Variants in MUC7 observed in about 807,000 individuals in gnomAD.
The protein encoded by MUC7 is mucin 7, secreted.
A neutral mutation model predicts 2.5 loss-of-function variants in MUC7; 2 were observed. The ratio of observed to expected loss-of-function variants is 0.81; its 90% CI spans 0.33 to 2.55. The LOEUF is 2.55. Among genes scored for constraint, MUC7 ranks in the 30% most tolerant of loss-of-function variants. MUC7 has a pLI of 0.11. For missense variants in MUC7, 408 were observed against 455.6 expected (o/e 0.90, Z 0.95); for synonymous variants, 133 against 173.4 (o/e 0.77, Z 1.83).
At chr4:70,471,768 AT>A (rs1007281147), upstream of MUC7, among the ~76,000 whole-genome samples, 28 of 152,100 alleles carry the variant, frequency 1.8e-4, no homozygotes, top group Non-Finnish European at 3.8e-4. Flanking sequence ...GCACCACAGT[AT>A]TTTTTTTAAA....
chr4:70,458,434 G>A (rs565218100), intron 1 of MUC7, among the ~76,000 whole-genome samples: 2 of 152,122 alleles, frequency 1.3e-5, no homozygotes, highest in South Asian at 4.2e-4. Context: ...CACTTATTAT[G>A]CTTTGTATAT....
intron 1 of MUC7, among the ~76,000 whole-genome samples, chr4:70,432,058 G>C (rs1168248008): frequency 6.6e-6 from 1 of 152,076 alleles, no homozygotes; most frequent in East Asian, 1.9e-4. Context: ...TCATCCATGT[G>C]CCTACAAAAG....
At chr4:70,440,652 C>T (rs1282680316) in intron 1 of MUC7, among the ~76,000 whole-genome samples, 3 of 152,224 alleles carry the variant, frequency 2.0e-5, no homozygotes, top group South Asian at 2.1e-4. Flanking sequence ...ATCCCAATTA[C>T]ACTAATTTGA....
At chr4:70,436,975 G>C (rs1733857898) in intron 1 of MUC7, among the ~76,000 whole-genome samples, 1 of 152,142 alleles carries the variant, frequency 6.6e-6, no homozygotes, top group South Asian at 2.1e-4. Context: ...CAGGTCTGTT[G>C]GAGTTTGCTG....
At position 70,463,059 on chromosome 4, in the gene MUC7, T is replaced by C. The variant is rs534989653; in HGVS notation, c.-92-9156T>C. On this transcript the variant is annotated intron_variant, in intron 1 of 3. Coordinates refer to the MUC7 transcript ENST00000413702. ...CTTTTGCAGGTCAATCTTCTGTTGG[T>C]CCTATGGTCAAATTCTTCTACTCTT... Among the ~76,000 whole-genome samples, 3 of 152,274 alleles carry C rather than the reference T, an allele frequency of 2.0e-5. No homozygotes were observed. The East Asian group carries it at 5.8e-4, about 29-fold the overall frequency.
intron 1 of MUC7, among the ~76,000 whole-genome samples, chr4:70,459,295 T>G (rs763525853): frequency 1.3e-5 from 2 of 151,992 alleles, no homozygotes; most frequent in African/African-American, 4.8e-5. Flanking sequence ...ATGGATGAAA[T>G]TGGAAAACAT....
chr4:70,431,060 G>T (rs1039850489), intron 1 of MUC7, among the ~76,000 whole-genome samples: 2 of 151,858 alleles, frequency 1.3e-5, no homozygotes, highest in African/African-American at 4.8e-5. Flanking sequence ...CTACTTTTCA[G>T]TATGTAATGG....
At chr4:70,451,883 T>C (rs1734289772) in intron 1 of MUC7, among the ~76,000 whole-genome samples, 1 of 152,236 alleles carries the variant, frequency 6.6e-6, no homozygotes, top group Non-Finnish European at 1.5e-5. Context: ...GCTATTATTG[T>C]ATTGGAGTCC....
chr4:70,475,835 G>A (rs1276876204), intron 2 of MUC7, among the ~76,000 whole-genome samples: 2 of 152,136 alleles, frequency 1.3e-5, no homozygotes, highest in Admixed American at 6.6e-5. Flanking sequence ...GAGAGAGAGG[G>A]CAGAAGAACT....
At chr4:70,434,896 G>A (rs975768743) in intron 1 of MUC7, among the ~76,000 whole-genome samples, 6 of 152,024 alleles carry the variant, frequency 3.9e-5, no homozygotes, top group Non-Finnish European at 8.8e-5. Flanking sequence ...GAGAGATTCT[G>A]GTATGTTGTG....
In MUC7 at chr4:70,481,160, T is replaced by C. The variant is rs1474923274; in HGVS notation, c.416T>C (p.Ile139Thr). ...VTFLPQNATT[I>T]SSRENVNTSS... ...TTTCTTCCCCAGAATGCCACCACCA[T>C]ATCTTCAAGAGAAAATGTTAACACA... is the stretch of plus-strand genomic sequence containing the variant. The change falls in exon 3 of 3, where the codon ATA (isoleucine) becomes ACA (threonine). Residue 139 changes from isoleucine (I) to threonine (T), a missense_variant. Around this residue, in one of 3 missense-constraint regions of MUC7, gnomAD observed 225 missense variants for 240.5 expected, o/e 0.94. Coordinates refer to ENST00000304887, the MANE Select transcript of MUC7 (RefSeq NM_152291.3). 7.4e-6 allele frequency: 12 copies of C among 1,614,070 alleles called. No homozygotes were observed. The highest frequency in any genetic ancestry group is 1.1e-5 in the South Asian group (1 of 91,084).
At chr4:70,442,387 C>T (rs1037037005) in intron 1 of MUC7, among the ~76,000 whole-genome samples, 5 of 152,148 alleles carry the variant, frequency 3.3e-5, no homozygotes, top group Admixed American at 2.0e-4. Flanking sequence ...GGTCTTGGCC[C>T]CTGGCCTGCA....
At chr4:70,452,860 T>C (rs1734312473) in intron 1 of MUC7, among the ~76,000 whole-genome samples, 1 of 152,242 alleles carries the variant, frequency 6.6e-6, no homozygotes, top group Admixed American at 6.5e-5. Context: ...CTTTAGCATT[T>C]CTTGTAAGAC....
At chr4:70,432,025 G>T (rs1367160402) in intron 1 of MUC7, among the ~76,000 whole-genome samples, 1 of 152,012 alleles carries the variant, frequency 6.6e-6, no homozygotes, top group African/African-American at 2.4e-5. Context: ...ATGATAGTTT[G>T]CTGAGAATGA....
At position 70,440,809 on chromosome 4, in the gene MUC7, G is replaced by A. The variant is rs77447624; in HGVS notation, c.-93+10122G>A. Among the ~76,000 whole-genome samples the A allele has an allele frequency of 3.1e-3, 467 of 151,982 alleles. 7 individuals carry two copies. Among genetic ancestry groups the A allele is most frequent in the African/African-American group, 0.011 (451 of 41,480 alleles). Reference sequence around the variant, plus strand: ...AAAACAAAATAGAGGAAAAAGGGAGGGAAAGAGAATGGATGAGAAGAAGGA... The same window carrying A: ...AAAACAAAATAGAGGAAAAAGGGAGAGAAAGAGAATGGATGAGAAGAAGGA... On this transcript the variant is annotated intron_variant, in intron 1 of 3. Coordinates refer to the MUC7 transcript ENST00000413702.
chr4:70,442,706 A>T (rs906767253), intron 1 of MUC7, among the ~76,000 whole-genome samples: 11 of 152,224 alleles, frequency 7.2e-5, no homozygotes, highest in Non-Finnish European at 1.0e-4. Flanking sequence ...CAAGACCCAG[A>T]TGAGGGATCC....
chr4:70,440,645 C>T (rs1733978966), intron 1 of MUC7, among the ~76,000 whole-genome samples: 1 of 151,818 alleles, frequency 6.6e-6, no homozygotes, highest in Non-Finnish European at 1.5e-5. Context: ...AATGGATATC[C>T]CAATTACACT....
intron 1 of MUC7, among the ~76,000 whole-genome samples, chr4:70,445,370 T>C (rs1734105911): frequency 6.6e-6 from 1 of 152,244 alleles, no homozygotes; most frequent in Non-Finnish European, 1.5e-5. Flanking sequence ...CCCCAGCACA[T>C]TTTATGACAC....
At chr4:70,430,642 A>T (rs562053384) in exon 1 of MUC7, 6 of 152,250 alleles carry the variant, frequency 3.9e-5, no homozygotes, top group African/African-American at 1.4e-4. Context: ...CAAGAATTCA[A>T]CTGACAAGTA....
Sources: gnomAD v4.1 joint callset for allele counts (sites outside exome capture counted in the v4.1 genomes callset) on GRCh38, gnomAD v4.1.1 for gene constraint, gnomAD v4.1.1 regional missense constraint, MANE v1.5 for transcripts, NCBI Gene and HGNC (gene_info 2026-07-23, HGNC 2026-07-21) for gene names.